BRCA2: variants seen among roughly 807,000 people sequenced by gnomAD.
BRCA2 encodes the protein breast cancer type 2 susceptibility protein.
Under a neutral mutation model 276.7 loss-of-function variants are expected in BRCA2, and 203 were observed. The ratio of observed to expected loss-of-function variants is 0.73; its 90% CI spans 0.65 to 0.82. BRCA2 has a LOEUF of 0.82. Among genes scored for constraint, BRCA2 ranks in the 40% least tolerant of loss-of-function variants. The pLI is 0.00. For synonymous variants in BRCA2, 1,289 were observed against 1,338.4 expected, an observed-to-expected ratio of 0.96 and a Z score of 0.81; for missense variants, 3,920 against 3,915.0, an observed-to-expected ratio of 1.00 and a Z score of -0.03.
At position 32,339,456 on chromosome 13, in the gene BRCA2, C is replaced by A. The variant is rs397507758; in HGVS notation, c.5101C>A (p.Gln1701Lys). The change falls in exon 11 of 27, where the codon CAA becomes AAA. Residue 1701 changes from glutamine (Q) to lysine (K), a missense_variant. Gln to Lys is a moderately conservative substitution (Grantham distance 53). Transcript: ENST00000380152. ...GCTTAGAGAAGGAATATTTGATGGTCAACCAGAAAGAATAAATACTGCAGA... is the reference window on the plus strand; with the variant it reads ...GCTTAGAGAAGGAATATTTGATGGTAAACCAGAAAGAATAAATACTGCAGA... Reference protein sequence around the residue: ...KWLREGIFDGQPERINTADYV... With the variant: ...KWLREGIFDGKPERINTADYV... The A allele has an allele frequency of 1.3e-6, 2 of 1,587,410 alleles. No homozygotes were observed. Among genetic ancestry groups the A allele is most frequent in the South Asian group, 2.3e-5 (2 of 86,132 alleles).
rs786201478 is a variant in BRCA2, at chr13:32,340,250, T to G, written c.5895T>G (p.Leu1965=). 6.2e-7 allele frequency: 1 copy of G among 1,614,006 alleles called. No homozygotes were observed. The change falls in exon 11 of 27, where the codon CTT becomes CTG. Residue 1965 remains leucine, a synonymous_variant. Coordinates refer to ENST00000380152, the MANE Select transcript of BRCA2 (RefSeq NM_000059.4). ...SDICKCSIGK[L]HKSVSSANTC... ...TATGTAAATGTAGTATAGGGAAGCTTCATAAGTCAGTCTCATCTGCAAATA... is the reference window on the plus strand; with the variant it reads ...TATGTAAATGTAGTATAGGGAAGCTGCATAAGTCAGTCTCATCTGCAAATA...
chr13:32,387,270 C>A (rs1221970090), intron 24 of BRCA2, among the ~76,000 whole-genome samples: 1 of 152,166 alleles, frequency 6.6e-6, no homozygotes, highest in African/African-American at 2.4e-5. Flanking sequence ...TAGAGATGAT[C>A]ATGGACAATT....
chr13:32,385,446 C>T (rs1307541971), intron 24 of BRCA2: 2 of 211,748 alleles, frequency 9.4e-6, no homozygotes, highest in Non-Finnish European at 2.0e-5. Context: ...GATATGTCTT[C>T]TCTTCTTACT....
intron 21 of BRCA2, 51 bp from the exon 22 acceptor site, chr13:32,379,266 G>A (rs2137618593): frequency 3.2e-6 from 5 of 1,585,994 alleles, no homozygotes; most frequent in Non-Finnish European, 4.3e-6. Context: ...ACAATAGATG[G>A]AACTTTTTTG....
At position 32,396,889 on chromosome 13, in the gene BRCA2, T is replaced by C. The variant is rs372042471; in HGVS notation, c.9502-9T>C. On this transcript the variant is annotated splice_polypyrimidine_tract_variant and intron_variant, in intron 25 of 26. Transcript: ENST00000380152. ...ATTTATAAAGCAGCTTTTCCACTTA[T>C]TTTCTTAGAATATTGACATACTTTG... The C allele has an allele frequency of 5.6e-6, 9 of 1,614,072 alleles. No homozygotes were observed. The highest frequency in any genetic ancestry group is 7.6e-6 in the Non-Finnish European group (9 of 1,179,940).
In BRCA2 at chr13:32,338,642, G is replaced by T. The variant is rs2072500788; in HGVS notation, c.4287G>T (p.Gln1429His). 1.3e-6 allele frequency: 2 copies of T among 1,597,432 alleles called. No homozygotes were observed. Among genetic ancestry groups the T allele is most frequent in the South Asian group, 1.1e-5 (1 of 88,300 alleles). The change falls in exon 11 of 27, where the codon CAG becomes CAT. Residue 1429 changes from glutamine (Q) to histidine (H), a missense_variant. This residue lies in a region of BRCA2 where 3,263 missense variants were observed against 3,156.9 expected (regional missense o/e 1.03). Transcript: ENST00000380152. ...KDFETSDTFF[Q>H]TASGKNISVA... ...TTGAGACTTCTGATACATTTTTTCA[G>T]ACTGCAAGTGGGAAAAATATTAGTG...
chr13:32,344,423 A>G, intron 11 of BRCA2, 135 bp from the exon 12 acceptor site: 1 of 601,852 alleles, frequency 1.7e-6, no homozygotes, highest in African/African-American at 1.9e-5. Context: ...ACATTAGGTC[A>G]CTATTTGTTG....
At position 32,318,103 on chromosome 13, in the gene BRCA2, CAGT is replaced by C. The variant is rs11571581; in HGVS notation, c.68-973_68-971del. ...TACTATTATTTTTAACAAGGACACTCAGTGGTAAGGAATATAATGGCTACTAGT... is the reference window on the plus strand; with the variant it reads ...TACTATTATTTTTAACAAGGACACTCGGTAAGGAATATAATGGCTACTAGT... On this transcript the variant is annotated intron_variant, in intron 2 of 26. Transcript: ENST00000380152. Among the ~76,000 whole-genome samples, 2,424 of 152,300 alleles carry C rather than the reference CAGT, an allele frequency of 0.016. 29 individuals carry two copies. The highest frequency in any genetic ancestry group is 0.025 in the Non-Finnish European group (1,727 of 68,022).
chr13:32,325,430 G>C lies in BRCA2; in HGVS notation c.425+246G>C, dbSNP rs11571613. On this transcript the variant is annotated intron_variant, in intron 4 of 26. Transcript: ENST00000380152. ...TTCTGTATATTCTGTGATTTTTTAA[G>C]TAACAAAAATAACAGTGGTGAAAAG... is the stretch of plus-strand genomic sequence containing the variant. Among the ~76,000 whole-genome samples the C allele has an allele frequency of 0.28, 42,106 of 151,886 alleles. 6,022 individuals are homozygous for C. The highest frequency in any genetic ancestry group is 0.4 in the East Asian group (2,058 of 5,172).
At chr13:32,325,523 G>A (rs921533023) in intron 4 of BRCA2, among the ~76,000 whole-genome samples, 4 of 150,714 alleles carry the variant, frequency 2.7e-5, no homozygotes, top group Non-Finnish European at 4.4e-5. Context: ...GAGAGAATAT[G>A]ATTTACTTTA....
At position 32,363,388 on chromosome 13, in the gene BRCA2, A is replaced by G. The variant is rs755946384; in HGVS notation, c.8186A>G (p.Lys2729Arg). Residue 2729 changes from lysine (K) to arginine (R), a missense_variant, in exon 18 of 27, where the codon AAG becomes AGG. Lys to Arg is a conservative substitution (Grantham distance 26). Coordinates refer to ENST00000380152, the MANE Select transcript of BRCA2 (RefSeq NM_000059.4). Reference protein sequence around the residue: ...IELTDGWYAVKAQLDPPLLAV... With the variant: ...IELTDGWYAVRAQLDPPLLAV... ...CTTACAGATGGGTGGTATGCTGTTA[A>G]GGCCCAGTTAGATCCTCCCCTCTTA... 1.2e-6 allele frequency: 2 copies of G among 1,614,208 alleles called. No homozygotes were observed. Among genetic ancestry groups the G allele is most frequent in the Admixed American group, 1.7e-5 (1 of 60,028 alleles).
intron 2 of BRCA2, 40 bp downstream of exon 2, chr13:32,316,567 G>C (rs371493518): frequency 1.9e-6 from 3 of 1,559,998 alleles, no homozygotes; most frequent in Non-Finnish European, 2.6e-6. Context: ...ATTACACCGA[G>C]AAAGTGTTTT....
chr13:32,342,470 C>G (rs1447590785), intron 11 of BRCA2, among the ~76,000 whole-genome samples: 2 of 152,056 alleles, frequency 1.3e-5, no homozygotes, highest in African/African-American at 2.4e-5. Context: ...GTATATATAT[C>G]TAACAACTTA....
chr13:32,327,444 G>A (rs1566219776), intron 7 of BRCA2, among the ~76,000 whole-genome samples: 1 of 151,498 alleles, frequency 6.6e-6, no homozygotes. Flanking sequence ...GGCTGAGGTG[G>A]GAGGATCACG....
chr13:32,338,568 A>G lies in BRCA2; in HGVS notation c.4213A>G (p.Asn1405Asp), dbSNP rs1555283633. The part of the protein sequence containing the change: ...AQEACHGNTS[N>D]KEQLTATKTE... The stretch of plus-strand genomic sequence containing the variant: ...AGAAGCATGTCATGGTAATACTTCA[A>G]ATAAAGAACAGTTAACTGCTACTAA... The change falls in exon 11 of 27, where the codon AAT (asparagine) becomes GAT (aspartate). Residue 1405 changes from asparagine to aspartate, a missense_variant. This residue lies in a region of BRCA2 where 3,263 missense variants were observed against 3,156.9 expected (regional missense o/e 1.03). Coordinates refer to ENST00000380152, the MANE Select transcript of BRCA2 (RefSeq NM_000059.4). The G allele has an allele frequency of 6.3e-7, 1 of 1,595,618 alleles. No homozygotes were observed. Among genetic ancestry groups the G allele is most frequent in the Non-Finnish European group, 8.5e-7 (1 of 1,171,844 alleles).
Position 32,370,560 on chromosome 13 carries a change from A to C in BRCA2, c.8487+3A>C. ...TTCAAAGAGCATACCCTATACAGGT[A>C]TGATGTATTCTTGAAACTTACCATA... On this transcript the variant is annotated splice_donor_region_variant and intron_variant, in intron 19 of 26. Coordinates refer to ENST00000380152, the MANE Select transcript of BRCA2 (RefSeq NM_000059.4). The C allele has an allele frequency of 6.2e-7, 1 of 1,609,568 alleles. No individual in the cohort carries two copies. The highest frequency in any genetic ancestry group is 1.1e-5 in the South Asian group (1 of 90,978).
chr13:32,324,578 C>T (rs923247731), intron 3 of BRCA2, among the ~76,000 whole-genome samples: 6 of 152,142 alleles, frequency 3.9e-5, no homozygotes, highest in Admixed American at 3.9e-4. Flanking sequence ...GTGATATTGT[C>T]AGATCTGGTA....
chr13:32,318,012 A>C (rs1593881715), intron 2 of BRCA2, among the ~76,000 whole-genome samples: 2 of 152,370 alleles, frequency 1.3e-5, no homozygotes, highest in South Asian at 4.1e-4. Context: ...GTGCTAAAGC[A>C]TTGAGCTTCG....
chr13:32,369,839 G>A (rs1239417006), intron 18 of BRCA2, among the ~76,000 whole-genome samples: 2 of 152,224 alleles, frequency 1.3e-5, no homozygotes, highest in African/African-American at 4.8e-5. Context: ...CTCCCAAAGT[G>A]TTGGGATTAC....
Sources: allele counts gnomAD v4.1 joint callset (sites outside exome capture counted in the v4.1 genomes callset), GRCh38; gene constraint gnomAD v4.1.1; regional missense constraint gnomAD v4.1.1; transcripts MANE v1.5; gene names NCBI Gene and HGNC (gene_info 2026-07-23, HGNC 2026-07-21).